Variants in MEPE observed in about 807,000 individuals in gnomAD.
The protein encoded by MEPE is matrix, extracellular phosphoglycoprotein with ASARM motif (bone).
In MEPE, 7 loss-of-function variants were observed where a neutral mutation model predicts 7.3. The observed-to-expected ratio is 0.95, with a 90% CI of 0.54 to 1.79. MEPE has a LOEUF of 1.79. Among genes scored for constraint, MEPE ranks in the 40% most tolerant of loss-of-function variants. The pLI, the probability that MEPE is intolerant of heterozygous loss-of-function variation, is 0.00. For synonymous variants in MEPE, 214 were observed against 213.1 expected, an observed-to-expected ratio of 1.00 and a Z score of -0.04; for missense variants, 623 against 628.2, an observed-to-expected ratio of 0.99 and a Z score of 0.09.
Position 87,846,192 on chromosome 4 carries a change from G to A in MEPE, c.1324G>A (p.Gly442Ser). The A allele has an allele frequency of 6.2e-7, 1 of 1,613,986 alleles. No homozygotes were observed. The highest frequency in any genetic ancestry group is 8.5e-7 in the Non-Finnish European group (1 of 1,179,966). The change falls in exon 4 of 4, where the codon GGT becomes AGT. Residue 442 changes from glycine (G) to serine (S), a missense_variant. Coordinates refer to ENST00000361056, the MANE Select transcript of MEPE (RefSeq NM_020203.6). ...TCAGGGCCTGCCCATTCCTTCTCGT[G>A]GTCTTGATAATGAAATCAAAAACGA... ...KSQGLPIPSR[G>S]LDNEIKNEMD...
chr4:87,827,865 T>C (rs1722506505), intron 1 of MEPE, among the ~76,000 whole-genome samples: 1 of 152,202 alleles, frequency 6.6e-6, no homozygotes, highest in Non-Finnish European at 1.5e-5. Flanking sequence ...ATTCTGCATC[T>C]GGCTGAAATT....
chr4:87,844,746 T>C (rs892921890), intron 3 of MEPE, among the ~76,000 whole-genome samples: 2 of 152,208 alleles, frequency 1.3e-5, no homozygotes, highest in Admixed American at 6.5e-5. Flanking sequence ...ATTCTCACAA[T>C]TTCCCTTCTG....
intron 1 of MEPE, among the ~76,000 whole-genome samples, chr4:87,821,990 T>A (rs915432237): frequency 6.6e-6 from 1 of 152,152 alleles, no homozygotes; most frequent in African/African-American, 2.4e-5. Flanking sequence ...AGCCCTTACC[T>A]GATGCCTAAC....
upstream of MEPE, among the ~76,000 whole-genome samples, chr4:87,831,453 G>A (rs970131180): frequency 2.6e-5 from 4 of 152,010 alleles, no homozygotes; most frequent in African/African-American, 4.8e-5. Context: ...GCCACATCTG[G>A]TACCTCAGCA....
At chr4:87,830,298 G>A (rs184969708), upstream of MEPE, among the ~76,000 whole-genome samples, 1 of 152,142 alleles carries the variant, frequency 6.6e-6, no homozygotes, top group Non-Finnish European at 1.5e-5. Flanking sequence ...TTGCAGCCCT[G>A]TTCACAATGG....
Position 87,845,692 on chromosome 4 carries a change from A to G in MEPE, c.824A>G (p.Asp275Gly). 6.2e-7 allele frequency: 1 copy of G among 1,613,852 alleles called. No homozygotes were observed. Among genetic ancestry groups the G allele is most frequent in the South Asian group, 1.1e-5 (1 of 91,038 alleles). Reference sequence around the variant, plus strand: ...GGTAAAGGAGAAGCTACTGGTCCTGACCTAGAAGGCAAAGATATTCAAACA... The same window carrying G: ...GGTAAAGGAGAAGCTACTGGTCCTGGCCTAGAAGGCAAAGATATTCAAACA... ...IPGKGEATGP[D>G]LEGKDIQTGF... The change falls in exon 4 of 4, where the codon GAC (aspartate) becomes GGC (glycine). Residue 275 changes from aspartate (D) to glycine (G), a missense_variant. Asp to Gly is a moderately conservative substitution (Grantham distance 94, BLOSUM62 -1). Transcript: ENST00000361056.
At position 87,845,597 on chromosome 4, in the gene MEPE, T is replaced by C. The variant is rs765815091; in HGVS notation, c.729T>C (p.Asp243=). The C allele has an allele frequency of 5.9e-5, 95 of 1,613,420 alleles. No homozygotes were observed. Among genetic ancestry groups the C allele is most frequent in the Non-Finnish European group, 7.8e-5 (92 of 1,179,864 alleles). The change falls in exon 4 of 4, where the codon GAT becomes GAC. Residue 243 remains aspartate (D), a synonymous_variant. Transcript: ENST00000361056. ...PSDFEGSGYT[D]LQERGDNDIS... Reference sequence around the variant, plus strand: ...ATTTTGAAGGCAGCGGTTATACAGATCTTCAAGAGAGAGGGGACAATGATA... The same window carrying C: ...ATTTTGAAGGCAGCGGTTATACAGACCTTCAAGAGAGAGGGGACAATGATA...
At chr4:87,821,708 C>G (rs78970808) in intron 1 of MEPE, among the ~76,000 whole-genome samples, 1 of 152,238 alleles carries the variant, frequency 6.6e-6, no homozygotes, top group Non-Finnish European at 1.5e-5. Context: ...CACCTAGCCT[C>G]GTGATGACAG....
chr4:87,834,677 G>T, intron 1 of MEPE, 26 bp from the exon 2 acceptor site: 1 of 1,588,160 alleles, frequency 6.3e-7, no homozygotes, highest in Non-Finnish European at 8.6e-7. Context: ...AATGCTTTGT[G>T]GTAAGATATT....
intron 2 of MEPE, among the ~76,000 whole-genome samples, chr4:87,835,503 A>G (rs2109998151): frequency 6.6e-6 from 1 of 152,260 alleles, no homozygotes; most frequent in East Asian, 1.9e-4. Flanking sequence ...GAACCATGGA[A>G]ACAAATAGTC....
In MEPE at chr4:87,834,759, G is replaced by T. The variant is rs558859369; in HGVS notation, c.45G>T (p.Trp15Cys). The T allele has an allele frequency of 1.2e-5, 19 of 1,611,534 alleles. No individual in the cohort carries two copies. The South Asian group carries it at 2.1e-4, about 18-fold the overall frequency. ...CVGLLLFSVT[W>C]AAPTFQPQTE... ...GACTACTCCTTTTCAGTGTGACCTGGGCAGCACCAGTAAGTATTTACAAAT... is the reference window on the plus strand; with the variant it reads ...GACTACTCCTTTTCAGTGTGACCTGTGCAGCACCAGTAAGTATTTACAAAT... Residue 15 changes from tryptophan to cysteine, a missense_variant, in exon 2 of 4, where the codon TGG becomes TGT. Transcript: ENST00000361056.
At position 87,845,264 on chromosome 4, in the gene MEPE, T is replaced by C. The variant is rs1325167043; in HGVS notation, c.396T>C (p.Ala132=). 6.2e-7 allele frequency: 1 copy of C among 1,614,044 alleles called. No homozygotes were observed. The highest frequency in any genetic ancestry group is 8.5e-7 in the Non-Finnish European group (1 of 1,179,962). The change falls in exon 4 of 4, where the codon GCT becomes GCC. Residue 132 remains alanine (A), a synonymous_variant. Coordinates refer to ENST00000361056, the MANE Select transcript of MEPE (RefSeq NM_020203.6). ...AAGGGTTTGAGGATGGAGATGATGC[T>C]ATCAGCAAACTACATGACCAAGAAG... ...GNKGFEDGDD[A]ISKLHDQEEY... is the part of the protein sequence containing the mutation.
upstream of MEPE, among the ~76,000 whole-genome samples, chr4:87,829,881 T>TC (rs1219712868): frequency 1.4e-5 from 2 of 146,494 alleles, no homozygotes; most frequent in Non-Finnish European, 3.0e-5. Flanking sequence ...TTTTTTTTTT[T>TC]TGGACTTTGC....
At chr4:87,827,077 A>G (rs1358662044) in intron 1 of MEPE, among the ~76,000 whole-genome samples, 2 of 151,794 alleles carry the variant, frequency 1.3e-5, no homozygotes, top group Non-Finnish European at 2.9e-5. Context: ...TCTGCAGGAC[A>G]GAGTGATCAT....
intron 2 of MEPE, 142 bp from the exon 3 acceptor site, chr4:87,838,490 G>A: frequency 1.4e-6 from 1 of 701,002 alleles, no homozygotes; most frequent in Non-Finnish European, 2.4e-6. Context: ...CGATGAGTGT[G>A]TCAATCTTCT....
chr4:87,840,852 G>GA (rs1475237358), intron 3 of MEPE, among the ~76,000 whole-genome samples: 2 of 152,104 alleles, frequency 1.3e-5, no homozygotes, highest in Admixed American at 6.5e-5. Context: ...CGTTCTCCAT[G>GA]AAAAAACTCA....
chr4:87,830,237 C>T (rs1343316999), upstream of MEPE, among the ~76,000 whole-genome samples: 2 of 152,070 alleles, frequency 1.3e-5, no homozygotes, highest in South Asian at 2.1e-4. Context: ...GGTATATACC[C>T]GGAGGAATAT....
intron 1 of MEPE, among the ~76,000 whole-genome samples, chr4:87,827,529 G>A (rs1722500365): frequency 6.6e-6 from 1 of 152,072 alleles, no homozygotes; most frequent in African/African-American, 2.4e-5. Flanking sequence ...GAAGATTCTT[G>A]GTCTTGAAAA....
intron 2 of MEPE, among the ~76,000 whole-genome samples, chr4:87,836,030 GTA>G (rs918173588): frequency 1.3e-5 from 2 of 151,944 alleles, no homozygotes; most frequent in African/African-American, 4.8e-5. Context: ...CTGCTTGGGG[GTA>G]TAGAGGGGAC....
Sources: gnomAD v4.1 joint callset for allele counts (sites outside exome capture counted in the v4.1 genomes callset) on GRCh38, gnomAD v4.1.1 for gene constraint, MANE v1.5 for transcripts, NCBI Gene and HGNC (gene_info 2026-07-23, HGNC 2026-07-21) for gene names.